Variants in CCDC178 observed in about 807,000 individuals in gnomAD.
The protein encoded by CCDC178 is coiled-coil domain-containing protein 178.
CCDC178 carries 126 observed loss-of-function variants against 117.4 expected under a neutral mutation model. The observed-to-expected ratio is 1.07, with a 90% CI of 0.93 to 1.24. CCDC178 has a LOEUF of 1.24. Among genes scored for constraint, CCDC178 ranks in the 50% most tolerant of loss-of-function variants. The probability of loss-of-function intolerance (pLI) is 0.00; values close to 1 mark genes in which losing one functional copy is unlikely to be tolerated. For synonymous variants in CCDC178, 283 were observed against 313.4 expected (o/e 0.90, Z 1.02); for missense variants, 1,030 against 986.9 (o/e 1.04, Z -0.59).
At chr18:33,251,809 A>C (rs2059621257) in intron 14 of CCDC178, among the ~76,000 whole-genome samples, 1 of 151,738 alleles carries the variant, frequency 6.6e-6, no homozygotes, top group Admixed American at 6.6e-5. Context: ...CCACCCTGTG[A>C]GGCTACTTAG....
intron 20 of CCDC178, among the ~76,000 whole-genome samples, chr18:33,147,393 A>ATTTTTTTTTTTTT (rs2066145994): frequency 1.3e-5 from 1 of 75,382 alleles, no homozygotes; most frequent in African/African-American, 6.1e-5. Context: ...GTATTTATTG[A>ATTTTTTTTTTTTT]TCATTCTTGG....
intron 11 of CCDC178, among the ~76,000 whole-genome samples, chr18:33,304,836 A>T (rs963211040): frequency 1.8e-4 from 28 of 152,186 alleles, no homozygotes; most frequent in African/African-American, 6.5e-4. Flanking sequence ...GCTGGAAGGC[A>T]CCATAAAAGG....
chr18:33,020,774 T>C (rs1469755629), intron 21 of CCDC178, among the ~76,000 whole-genome samples: 3 of 152,092 alleles, frequency 2.0e-5, no homozygotes, highest in Admixed American at 1.3e-4. Context: ...CTTTTTTTTT[T>C]CTGATTTCCT....
chr18:33,110,778 G>A (rs1449122236), intron 20 of CCDC178, among the ~76,000 whole-genome samples: 2 of 151,474 alleles, frequency 1.3e-5, no homozygotes, highest in African/African-American at 4.8e-5. Flanking sequence ...TCTCTTATCT[G>A]TCTTTGTACC....
chr18:33,300,399 C>T (rs922793633), intron 11 of CCDC178, among the ~76,000 whole-genome samples: 3 of 152,114 alleles, frequency 2.0e-5, no homozygotes, highest in Non-Finnish European at 4.4e-5. Context: ...TATAAAGATA[C>T]TTGAAAGTGT....
At chr18:33,407,724 C>T (rs572363347) in intron 3 of CCDC178, among the ~76,000 whole-genome samples, 130 of 151,832 alleles carry the variant, frequency 8.6e-4, no homozygotes, top group Non-Finnish European at 1.5e-3. Flanking sequence ...TTATAACTTG[C>T]TAATCAATAG....
intron 15 of CCDC178, among the ~76,000 whole-genome samples, chr18:33,240,871 A>G (rs1287868235): frequency 6.6e-6 from 1 of 151,878 alleles, no homozygotes; most frequent in Non-Finnish European, 1.5e-5. Flanking sequence ...GCATAACCTC[A>G]ATATCAAATA....
intron 5 of CCDC178, among the ~76,000 whole-genome samples, chr18:33,374,834 TACAG>T (rs2063343882): frequency 1.3e-5 from 2 of 152,210 alleles, no homozygotes; most frequent in Admixed American, 1.3e-4. Flanking sequence ...GGATGAATAT[TACAG>T]ACATTTTCCT....
At chr18:33,212,176 C>T (rs894781665) in intron 19 of CCDC178, 121 bp from the exon 20 acceptor site, 1 of 673,620 alleles carries the variant, frequency 1.5e-6, no homozygotes, top group Admixed American at 3.9e-5. Flanking sequence ...ACTGACAGGC[C>T]TTGGAAAAAT....
chr18:33,073,555 A>ATCTATCTATC (rs1567971425), intron 21 of CCDC178, among the ~76,000 whole-genome samples: 1 of 121,356 alleles, frequency 8.2e-6, no homozygotes, highest in African/African-American at 3.8e-5. Context: ...ATCTATCTAT[A>ATCTATCTATC]TATATATCTT....
chr18:33,137,360 T>C (rs1454506454), intron 20 of CCDC178, among the ~76,000 whole-genome samples: 1 of 152,174 alleles, frequency 6.6e-6, no homozygotes. Flanking sequence ...AATGATTGTA[T>C]AAGGAATTAA....
chr18:33,335,683 A>G (rs1427433593), intron 9 of CCDC178, among the ~76,000 whole-genome samples: 3 of 151,950 alleles, frequency 2.0e-5, no homozygotes, highest in Non-Finnish European at 4.4e-5. Flanking sequence ...CATTTCTCAT[A>G]GTTTTTCATT....
Position 32,937,757 on chromosome 18 carries a change from A to G in CCDC178, c.*254T>C. 2.3e-6 allele frequency: 1 copy of G among 428,646 alleles called. No individual in the cohort carries two copies. Among genetic ancestry groups the G allele is most frequent in the Middle Eastern group, 6.2e-4 (1 of 1,606 alleles). The allele number at this position is 428,646 out of a possible 1,614,324, so 26.6% of individuals were successfully genotyped here. On this transcript the variant is annotated 3_prime_UTR_variant, in exon 23 of 23. Coordinates refer to ENST00000383096, the MANE Select transcript of CCDC178 (RefSeq NM_001105528.4). ...GGTGACATAGATTAATTATCAGATG[A>G]GGCAAAGCCAATTGCAATCAGTCAC...
Position 32,938,036 on chromosome 18 carries a change from T to A in CCDC178, c.2579A>T (p.Asp860Val), listed in dbSNP as rs1339174741. Reference protein sequence around the residue: ...HILGFFQTLTDGTCENDG With the variant: ...HILGFFQTLTVGTCENDG Reference sequence around the variant, plus strand: ...TTAACCATCGTTTTCGCATGTGCCATCTGTCAAAGTCTGGAAGAAACCTAA... The same window carrying A: ...TTAACCATCGTTTTCGCATGTGCCAACTGTCAAAGTCTGGAAGAAACCTAA... The change falls in exon 23 of 23, where the codon GAT becomes GTT. Residue 860 changes from aspartate (D) to valine (V), a missense_variant. Transcript: ENST00000383096. The A allele has an allele frequency of 1.2e-6, 2 of 1,613,636 alleles. No individual in the cohort carries two copies. Among genetic ancestry groups the A allele is most frequent in the East Asian group, 2.2e-5 (1 of 44,872 alleles).
intron 11 of CCDC178, among the ~76,000 whole-genome samples, chr18:33,318,801 G>T (rs1365575271): frequency 2.0e-5 from 3 of 152,034 alleles, no homozygotes; most frequent in Non-Finnish European, 4.4e-5. Flanking sequence ...AAAATATATA[G>T]ATTAGATGCA....
At chr18:33,179,358 T>A (rs941971192) in intron 20 of CCDC178, among the ~76,000 whole-genome samples, 1 of 151,322 alleles carries the variant, frequency 6.6e-6, no homozygotes, top group Admixed American at 6.6e-5. Flanking sequence ...TTTTCTCTTT[T>A]CAGAGTAATT....
At chr18:33,220,909 G>C (rs1179905064) in intron 18 of CCDC178, among the ~76,000 whole-genome samples, 1 of 152,026 alleles carries the variant, frequency 6.6e-6, no homozygotes, top group African/African-American at 2.4e-5. Context: ...TAGTGTGCGA[G>C]AAGTGCCACT....
At chr18:33,226,988 T>C (rs1471435380) in intron 15 of CCDC178, 133 bp from the exon 16 acceptor site, 2 of 339,808 alleles carry the variant, frequency 5.9e-6, no homozygotes, top group African/African-American at 4.3e-5. Context: ...TAATTTATTA[T>C]ATGTATTTTT....
intron 20 of CCDC178, among the ~76,000 whole-genome samples, chr18:33,186,227 A>T (rs908778558): frequency 6.6e-6 from 1 of 152,050 alleles, no homozygotes; most frequent in Non-Finnish European, 1.5e-5. Flanking sequence ...CACTCTTTCT[A>T]CTAGGAAATT....
Sources: allele counts gnomAD v4.1 joint callset (sites outside exome capture counted in the v4.1 genomes callset), GRCh38; gene constraint gnomAD v4.1.1; transcripts MANE v1.5; gene names NCBI Gene and HGNC (gene_info 2026-07-23, HGNC 2026-07-21).